ITPRID2: variants seen among roughly 807,000 people sequenced by gnomAD.
The protein encoded by ITPRID2 is ITPR interacting domain containing 2, also known as protein ITPRID2.
ITPRID2 carries 60 observed loss-of-function variants against 124.3 expected under a neutral mutation model. The ratio of observed to expected loss-of-function variants is 0.48; its 90% CI spans 0.39 to 0.60. The LOEUF (loss-of-function observed/expected upper bound fraction) is 0.60, where lower values mean the gene tolerates loss of function less well. Among genes scored for constraint, ITPRID2 ranks in the 20% least tolerant of loss-of-function variants. The pLI is 0.00. For missense variants in ITPRID2, 1,553 were observed against 1,512.2 expected, an observed-to-expected ratio of 1.03 and a Z score of -0.45; for synonymous variants, 521 against 542.9, an observed-to-expected ratio of 0.96 and a Z score of 0.56.
rs766232146 is a variant in ITPRID2, at chr2:181,892,596, C to T, written c.212-19C>T. The T allele has an allele frequency of 1.9e-5, 30 of 1,614,088 alleles. No homozygotes were observed. The highest frequency in any genetic ancestry group is 2.5e-5 in the Non-Finnish European group (29 of 1,179,976). The stretch of plus-strand genomic sequence containing the variant: ...GTGCTCCTGGGTGGTAACGTGCTGT[C>T]CCCTCTCTCTACCCCCAGGAAACGT... On this transcript the variant is annotated intron_variant, in intron 1 of 17. Coordinates refer to ENST00000431877, the MANE Select transcript of ITPRID2 (RefSeq NM_001130445.3). This position sits in a 1 kb window ranked among gnomAD's most constrained non-coding sequence, Gnocchi z 5.2.
Position 181,894,657 on chromosome 2 carries a change from G to A in ITPRID2, c.258-1373G>A, listed in dbSNP as rs1482144595. ...CAAATAGTCTTTGTTTCTTAGTGCCGTCCATATCCTGAATAAAGATACCGT... is the reference window on the plus strand; with the variant it reads ...CAAATAGTCTTTGTTTCTTAGTGCCATCCATATCCTGAATAAAGATACCGT... On this transcript the variant is annotated intron_variant, in intron 2 of 17. Transcript: ENST00000431877. 8 of 152,026 alleles carry A rather than the reference G, an allele frequency of 5.3e-5. No individual in the cohort carries two copies. In the East Asian group the frequency reaches 7.7e-4, roughly 15 times the overall value. 9.4% of individuals were successfully genotyped at this position (152,026 alleles called of 1,614,324 possible). A position where few individuals can be genotyped will look rare whatever the true frequency, so the allele number is the denominator to read the frequency against.
chr2:181,908,524 G>A (rs1350086280), intron 8 of ITPRID2, among the ~76,000 whole-genome samples: 1 of 152,172 alleles, frequency 6.6e-6, no homozygotes, highest in Non-Finnish European at 1.5e-5. Context: ...ACATGTATCT[G>A]CTGCTTTGAA....
intron 2 of ITPRID2, among the ~76,000 whole-genome samples, chr2:181,895,772 A>G (rs539880938): frequency 7.9e-5 from 12 of 152,008 alleles, no homozygotes; most frequent in Non-Finnish European, 1.5e-4. Context: ...ATCATTTGTC[A>G]TTGCCATTTT....
In ITPRID2 at chr2:181,892,755, C is replaced by T. The variant is rs540792069; in HGVS notation, c.257+95C>T. 19 of 1,463,706 alleles carry T rather than the reference C, an allele frequency of 1.3e-5. 1 individual carries two copies. In the South Asian group the frequency reaches 2.2e-4, roughly 17 times the overall value. The allele number at this position is 1,463,706 out of a possible 1,614,324, so 90.7% of individuals were successfully genotyped here. A position where few individuals can be genotyped will look rare whatever the true frequency, so the allele number is the denominator to read the frequency against. ...TCGGGCCGCGTCCCTGTGGGTCCCG[C>T]GACCGTTGTAAGCTACAAACCGGAA... is the stretch of plus-strand genomic sequence containing the variant. On this transcript the variant is annotated intron_variant, in intron 2 of 17. Coordinates refer to ENST00000431877, the MANE Select transcript of ITPRID2 (RefSeq NM_001130445.3). This position sits in a 1 kb window ranked among gnomAD's most constrained non-coding sequence, Gnocchi z 5.2.
In ITPRID2 at chr2:181,892,829, G is replaced by A. The variant is rs1486782440; in HGVS notation, c.257+169G>A. On this transcript the variant is annotated intron_variant, in intron 2 of 17. Transcript: ENST00000431877. This position sits in a 1 kb window ranked among gnomAD's most constrained non-coding sequence, Gnocchi z 5.2. The stretch of plus-strand genomic sequence containing the variant: ...CCTCTAAGCGATTAGAAATGGAAGT[G>A]CTGTGACCGCTGATTATTTGGTGAC... 4.3e-6 allele frequency: 3 copies of A among 691,384 alleles called. No homozygotes were observed. The highest frequency in any genetic ancestry group is 7.4e-6 in the Non-Finnish European group (3 of 407,068). The allele number at this position is 691,384 out of a possible 1,614,324, so 42.8% of individuals were successfully genotyped here.
chr2:181,904,333 T>A (rs1161924912), intron 8 of ITPRID2, among the ~76,000 whole-genome samples: 1 of 152,156 alleles, frequency 6.6e-6, no homozygotes, highest in African/African-American at 2.4e-5. Context: ...TGGGAGATTT[T>A]TTTTTTAAAT....
At chr2:181,909,582 G>T (rs912815258) in intron 8 of ITPRID2, among the ~76,000 whole-genome samples, 1 of 152,136 alleles carries the variant, frequency 6.6e-6, no homozygotes, top group Admixed American at 6.5e-5. Context: ...ACTTGACTAC[G>T]ATGTTCTTTA....
chr2:181,929,898 T>C lies in ITPRID2; in HGVS notation c.*351T>C, dbSNP rs940162135. 1 of 279,558 alleles carries C rather than the reference T, an allele frequency of 3.6e-6. No homozygotes were observed. Among genetic ancestry groups the C allele is most frequent in the East Asian group, 6.3e-5 (1 of 15,924 alleles). The allele number at this position is 279,558 out of a possible 1,614,324, so 17.3% of individuals were successfully genotyped here. On this transcript the variant is annotated 3_prime_UTR_variant, in exon 18 of 18. Coordinates refer to ENST00000431877, the MANE Select transcript of ITPRID2 (RefSeq NM_001130445.3). ...TTATAAATAACATATTTCTTCAGACTAACATCTTAAAACACTGACCTCTAT... is the reference window on the plus strand; with the variant it reads ...TTATAAATAACATATTTCTTCAGACCAACATCTTAAAACACTGACCTCTAT...
rs1357180570 is a variant in ITPRID2 at position 181,905,635 on chromosome 2, A to G, written c.1413+3169A>G. ...ACTGTGTGGTCTTCTTGACCTTTAA[A>G]TGAATTTTTATTTAAATATAACCAT... On this transcript the variant is annotated intron_variant, in intron 8 of 17. Transcript: ENST00000431877. The surrounding 1 kb of genome is among the most constrained non-coding windows in gnomAD (Gnocchi z 4.1). Among the ~76,000 whole-genome samples, 2 of 152,216 alleles carry G rather than the reference A, an allele frequency of 1.3e-5. No homozygotes were observed. The highest frequency in any genetic ancestry group is 2.4e-5 in the African/African-American group (1 of 41,468).
intron 9 of ITPRID2, among the ~76,000 whole-genome samples, chr2:181,912,182 G>A (rs1693659351): frequency 6.6e-6 from 1 of 152,120 alleles, no homozygotes; most frequent in Non-Finnish European, 1.5e-5. Context: ...CATTGATTGA[G>A]GTCAGCAAAC....
At position 181,910,624 on chromosome 2, in the gene ITPRID2, C is replaced by T. The variant is rs984108246; in HGVS notation, c.1486+653C>T. ...AAAGAGGAAGAAGTGAAAATGACCA[C>T]TGAAGGTAGGACTGTTTATTTTTGA... On this transcript the variant is annotated intron_variant, in intron 9 of 17. Transcript: ENST00000431877. The surrounding 1 kb of genome is among the most constrained non-coding windows in gnomAD (Gnocchi z 4.1). 4.3e-6 allele frequency: 3 copies of T among 703,994 alleles called. No individual in the cohort carries two copies. In the Admixed American group the frequency reaches 6.3e-5, roughly 15 times the overall value. The allele number at this position is 703,994 out of a possible 1,614,324, so 43.6% of individuals were successfully genotyped here.
Position 181,930,637 on chromosome 2 carries a change from G to GA in ITPRID2, c.*1093dup, listed in dbSNP as rs545480328. The GA allele has an allele frequency of 1.7e-4, 26 of 152,570 alleles. No individual in the cohort carries two copies. The highest frequency in any genetic ancestry group is 6.0e-4 in the African/African-American group (25 of 41,542). 9.5% of individuals were successfully genotyped at this position (152,570 alleles called of 1,614,324 possible). On this transcript the variant is annotated 3_prime_UTR_variant, in exon 18 of 18. Coordinates refer to ENST00000431877, the MANE Select transcript of ITPRID2 (RefSeq NM_001130445.3). ...GGTTGAGTTGTTAACAGTGTTCTTT[G>GA]AAAGAATCTCTAAAAGGCTTATAAA...
chr2:181,912,308 A>G (rs1303748412), intron 9 of ITPRID2, among the ~76,000 whole-genome samples: 2 of 152,258 alleles, frequency 1.3e-5, no homozygotes, highest in Admixed American at 6.5e-5. Context: ...GATAACTGCT[A>G]TAGCATAAGA....
rs1350778152 is a variant in ITPRID2 at position 181,930,070 on chromosome 2, G to A, written c.*523G>A. 2.6e-5 allele frequency: 4 copies of A among 153,284 alleles called. No homozygotes were observed. Among genetic ancestry groups the A allele is most frequent in the Admixed American group, 2.0e-4 (3 of 15,316 alleles). 9.5% of individuals were successfully genotyped at this position (153,284 alleles called of 1,614,324 possible). A position where few individuals can be genotyped will look rare whatever the true frequency, so the allele number is the denominator to read the frequency against. ...AATATAATTGCTCTTAATTCTTGGG[G>A]AGGTTACTAATAGCAGTAGGATAGA... On this transcript the variant is annotated 3_prime_UTR_variant, in exon 18 of 18. Coordinates refer to ENST00000431877, the MANE Select transcript of ITPRID2 (RefSeq NM_001130445.3).
At position 181,916,161 on chromosome 2, in the gene ITPRID2, C is replaced by T; in HGVS notation, c.2521C>T (p.Gln841Ter). ...ACGGCTTGCTCCACCACCAATGTCT[C>T]AGTCTACCTGTTCCCTTCATTCCAT... Reference protein sequence around the residue: ...CSRLAPPPMSQSTCSLHSIHS... With the variant: ...CSRLAPPPMS Residue 841 changes from glutamine (Q) to a stop codon, truncating the protein, a stop_gained, in exon 11 of 18, where the codon CAG (glutamine) becomes TAG (stop). Coordinates refer to ENST00000431877, the MANE Select transcript of ITPRID2 (RefSeq NM_001130445.3). LOFTEE classifies it high-confidence loss of function. The T allele has an allele frequency of 6.2e-7, 1 of 1,614,226 alleles. No individual in the cohort carries two copies. Among genetic ancestry groups the T allele is most frequent in the Non-Finnish European group, 8.5e-7 (1 of 1,180,046 alleles).
At position 181,899,115 on chromosome 2, in the gene ITPRID2, A is replaced by G. The variant is rs766396805; in HGVS notation, c.503+3A>G. 2.1e-5 allele frequency: 34 copies of G among 1,584,442 alleles called. No homozygotes were observed. The highest frequency in any genetic ancestry group is 2.7e-5 in the Non-Finnish European group (31 of 1,165,264). The stretch of plus-strand genomic sequence containing the variant: ...AAAAGTAGTGGGACAGTTTCAAGGT[A>G]ACTTATTCTGAAATTGTGTTGGAAT... On this transcript the variant is annotated splice_donor_region_variant and intron_variant, in intron 6 of 17. Transcript: ENST00000431877.
At chr2:181,893,385 CT>C (rs1691922617) in intron 2 of ITPRID2, 2 of 152,254 alleles carry the variant, frequency 1.3e-5, no homozygotes, top group Middle Eastern at 3.4e-3. Context: ...AGCCTTTAAA[CT>C]TTTGTTGGTG....
At chr2:181,894,022 CTTTA>C (rs955867618) in intron 2 of ITPRID2, 2 of 152,134 alleles carry the variant, frequency 1.3e-5, no homozygotes, top group African/African-American at 4.8e-5. Context: ...CAATCTGACT[CTTTA>C]TTTAAATACA....
intron 8 of ITPRID2, among the ~76,000 whole-genome samples, chr2:181,903,286 G>T (rs1692829362): frequency 6.6e-6 from 1 of 152,140 alleles, no homozygotes; most frequent in Non-Finnish European, 1.5e-5. Context: ...CATGGTAGTG[G>T]TCTCATTTTA....
Sources: gnomAD v4.1 joint callset for allele counts (sites outside exome capture counted in the v4.1 genomes callset) on GRCh38, gnomAD v4.1.1 for gene constraint, Gnocchi (gnomAD v3.1) non-coding constraint, MANE v1.5 for transcripts, NCBI Gene and HGNC (gene_info 2026-07-23, HGNC 2026-07-21) for gene names.